The following KCNIP4 variants were observed in gnomAD, a reference collection of about 807,000 sequenced individuals.
KCNIP4 encodes potassium voltage-gated channel interacting protein 4.
In KCNIP4, 12 loss-of-function variants were observed where a neutral mutation model predicts 34.0. The ratio of observed to expected loss-of-function variants is 0.35; its 90% CI spans 0.23 to 0.57. KCNIP4 has a LOEUF of 0.57. Ranked by LOEUF, KCNIP4 falls within the 20% of genes least tolerant of loss-of-function variation. The pLI, the probability that KCNIP4 is intolerant of heterozygous loss-of-function variation, is 0.83. For missense variants in KCNIP4, 238 were observed against 311.7 expected, an observed-to-expected ratio of 0.76 and a Z score of 1.78; for synonymous variants, 124 against 102.2, an observed-to-expected ratio of 1.21 and a Z score of -1.29.
At chr4:21,104,494 G>A (rs1748294863) in intron 1 of KCNIP4, among the ~76,000 whole-genome samples, 1 of 151,930 alleles carries the variant, frequency 6.6e-6, no homozygotes, top group South Asian at 2.1e-4. Context: ...CTGGATATTA[G>A]CCCTTTGTCA....
intron 1 of KCNIP4, among the ~76,000 whole-genome samples, chr4:21,103,327 T>TATATATA (rs535126718): frequency 6.8e-6 from 1 of 146,440 alleles, no homozygotes; most frequent in Non-Finnish European, 1.5e-5. Context: ...TAATATAAAA[T>TATATATA]ATATATAATA....
At chr4:21,662,620 G>T (rs1748538055) in intron 1 of KCNIP4, among the ~76,000 whole-genome samples, 1 of 152,022 alleles carries the variant, frequency 6.6e-6, no homozygotes, top group African/African-American at 2.4e-5. Context: ...TTTGTTTTGT[G>T]GTCTAAAATA....
At chr4:21,694,247 T>C (rs906625530) in intron 1 of KCNIP4, among the ~76,000 whole-genome samples, 1 of 152,114 alleles carries the variant, frequency 6.6e-6, no homozygotes, top group African/African-American at 2.4e-5. Flanking sequence ...TCTCCATTTA[T>C]TTAGGTGTAC....
chr4:21,429,348 T>C (rs1280440976), intron 1 of KCNIP4, among the ~76,000 whole-genome samples: 2 of 152,174 alleles, frequency 1.3e-5, no homozygotes, highest in African/African-American at 4.8e-5. Context: ...TGAATAATAT[T>C]CCATTGCCTG....
intron 1 of KCNIP4, among the ~76,000 whole-genome samples, chr4:20,931,176 TAC>T (rs113547133): frequency 3.9e-4 from 58 of 148,930 alleles, no homozygotes; most frequent in East Asian, 2.8e-3. Context: ...GACAATGTGG[TAC>T]ACACACACAC....
At chr4:21,631,505 T>C (rs1262753085) in intron 1 of KCNIP4, among the ~76,000 whole-genome samples, 2 of 152,208 alleles carry the variant, frequency 1.3e-5, no homozygotes, top group Non-Finnish European at 2.9e-5. Context: ...ATTATACCTA[T>C]ATTCCAGTTG....
chr4:21,282,763 CTT>C (rs1163488910), intron 1 of KCNIP4, among the ~76,000 whole-genome samples: 4 of 152,130 alleles, frequency 2.6e-5, no homozygotes, highest in Non-Finnish European at 4.4e-5. Flanking sequence ...CTATGATACT[CTT>C]TGCTTCTGCT....
intron 5 of KCNIP4, among the ~76,000 whole-genome samples, chr4:20,746,273 C>G (rs1262703210): frequency 6.6e-6 from 1 of 151,854 alleles, no homozygotes; most frequent in African/African-American, 2.4e-5. Context: ...ATCATGAGAA[C>G]AGTAAACCAA....
intron 1 of KCNIP4, among the ~76,000 whole-genome samples, chr4:21,632,282 C>T (rs1423670844): frequency 9.2e-5 from 14 of 152,114 alleles, no homozygotes; most frequent in Non-Finnish European, 8.8e-5. Context: ...GGTGTGATCT[C>T]AGCTCACTGC....
intron 1 of KCNIP4, among the ~76,000 whole-genome samples, chr4:21,105,473 T>C (rs964808402): frequency 1.3e-5 from 2 of 151,762 alleles, no homozygotes; most frequent in Non-Finnish European, 2.9e-5. Context: ...TGAAGTTGCT[T>C]ATCAGCTGAA....
chr4:20,823,976 C>G (rs1026944717), intron 3 of KCNIP4, among the ~76,000 whole-genome samples: 3 of 152,112 alleles, frequency 2.0e-5, no homozygotes, highest in African/African-American at 7.2e-5. Flanking sequence ...AAGCTTGAAC[C>G]CCAGCACTGC....
chr4:21,291,867 A>AAAG (rs1560259756), intron 1 of KCNIP4, among the ~76,000 whole-genome samples: 17 of 51,100 alleles, frequency 3.3e-4, no homozygotes, highest in Admixed American at 8.6e-4. Flanking sequence ...AAAAAAAAAA[A>AAAG]AAAGAAAGAA....
In KCNIP4 at chr4:21,090,083, C is replaced by A. The variant is rs1200457748; in HGVS notation, c.62-207374G>T. 2.0e-5 allele frequency among the ~76,000 whole-genome samples: 3 copies of A among 152,130 alleles called. No homozygotes were observed. In the East Asian group the frequency reaches 5.8e-4, roughly 29 times the overall value. ...CTTCCCAGAACGATGTTCTGTGATT[C>A]TGTCACTGCAAATCAGTAGCCCCTC... On this transcript the variant is annotated intron_variant, in intron 1 of 8. Transcript: ENST00000382152.
intron 1 of KCNIP4, among the ~76,000 whole-genome samples, chr4:21,868,131 AT>A (rs760195985): frequency 3.3e-4 from 51 of 152,306 alleles, no homozygotes; most frequent in African/African-American, 1.2e-3. Flanking sequence ...TATGGATAGC[AT>A]TTTCATGTGT....
intron 1 of KCNIP4, among the ~76,000 whole-genome samples, chr4:21,687,436 C>T (rs958340581): frequency 2.8e-4 from 43 of 152,086 alleles, no homozygotes; most frequent in Middle Eastern, 3.4e-3. Context: ...TGGTGTTGTT[C>T]AATTTTGTAG....
chr4:20,836,009 G>A (rs1341142652), intron 3 of KCNIP4, among the ~76,000 whole-genome samples: 1 of 152,110 alleles, frequency 6.6e-6, no homozygotes, highest in African/African-American at 2.4e-5. Context: ...CTAGTTTACT[G>A]CAATATCTTC....
intron 1 of KCNIP4, among the ~76,000 whole-genome samples, chr4:21,383,237 G>A (rs1357994734): frequency 6.6e-6 from 1 of 152,094 alleles, no homozygotes; most frequent in Admixed American, 6.6e-5. Flanking sequence ...TAAATTTCTG[G>A]TGTTTATGCC....
chr4:21,810,068 C>A (rs959415690), intron 1 of KCNIP4, among the ~76,000 whole-genome samples: 2 of 152,002 alleles, frequency 1.3e-5, no homozygotes, highest in African/African-American at 4.8e-5. Flanking sequence ...CTGGGAAAAG[C>A]CAAGGTTAGA....
intron 1 of KCNIP4, among the ~76,000 whole-genome samples, chr4:21,824,077 C>A (rs543539108): frequency 6.6e-6 from 1 of 152,246 alleles, no homozygotes; most frequent in Non-Finnish European, 1.5e-5. Flanking sequence ...GGCTAGCCTG[C>A]CAGTGAAACA....
Sources: allele counts gnomAD v4.1 joint callset (sites outside exome capture counted in the v4.1 genomes callset), GRCh38; gene constraint gnomAD v4.1.1; transcripts MANE v1.5; gene names NCBI Gene and HGNC (gene_info 2026-07-23, HGNC 2026-07-21).